Variants in RALYL observed in about 807,000 individuals in gnomAD.
RALYL encodes RNA-binding Raly-like protein.
Under a neutral mutation model 35.1 loss-of-function variants are expected in RALYL, and 29 were observed. The observed-to-expected ratio is 0.83, with a 90% confidence interval of 0.61 to 1.13. The LOEUF (loss-of-function observed/expected upper bound fraction) is 1.13, where lower values mean the gene tolerates loss of function less well. RALYL is among the 50% of genes most tolerant of loss of function. The pLI is 0.00. For synonymous variants in RALYL, 120 were observed against 127.6 expected (o/e 0.94, Z 0.40); for missense variants, 359 against 360.4 (o/e 1.00, Z 0.03).
At chr8:84,270,827 T>C (rs1834168288) in intron 1 of RALYL, among the ~76,000 whole-genome samples, 3 of 152,128 alleles carry the variant, frequency 2.0e-5, no homozygotes, top group Admixed American at 2.0e-4. Context: ...TAACAAGTTA[T>C]AGTGAATAGA....
intron 1 of RALYL, among the ~76,000 whole-genome samples, chr8:84,338,044 A>G (rs1156917686): frequency 3.3e-5 from 5 of 152,066 alleles, no homozygotes; most frequent in Admixed American, 2.6e-4. Flanking sequence ...AAACGAGTGC[A>G]CCAAGAAATT....
chr8:84,821,498 G>A (rs539214488), intron 4 of RALYL, among the ~76,000 whole-genome samples: 16 of 152,228 alleles, frequency 1.1e-4, no homozygotes, highest in African/African-American at 3.1e-4. Flanking sequence ...AAATAATCAT[G>A]TATGTAAAAA....
At chr8:84,883,370 G>A (rs918516473) in intron 7 of RALYL, among the ~76,000 whole-genome samples, 4 of 151,950 alleles carry the variant, frequency 2.6e-5, no homozygotes, top group African/African-American at 9.7e-5. Flanking sequence ...TGCTAATAAA[G>A]ACATACCCAA....
At chr8:84,749,780 A>G (rs1272637945) in intron 2 of RALYL, among the ~76,000 whole-genome samples, 1 of 152,190 alleles carries the variant, frequency 6.6e-6, no homozygotes, top group East Asian at 1.9e-4. Context: ...AGGCAGCAAG[A>G]AACAACAGAA....
At chr8:84,271,973 T>C (rs976047236) in intron 1 of RALYL, among the ~76,000 whole-genome samples, 2 of 152,242 alleles carry the variant, frequency 1.3e-5, no homozygotes, top group African/African-American at 4.8e-5. Flanking sequence ...TTTCTGGTAG[T>C]AAATTACCTT....
intron 8 of RALYL, among the ~76,000 whole-genome samples, chr8:84,895,813 G>A (rs1844656879): frequency 6.6e-6 from 1 of 152,140 alleles, no homozygotes; most frequent in African/African-American, 2.4e-5. Context: ...TGCCAGGCCT[G>A]TATTTTCTGT....
chr8:84,306,298 T>G (rs921285075), intron 1 of RALYL, among the ~76,000 whole-genome samples: 1 of 152,208 alleles, frequency 6.6e-6, no homozygotes, highest in African/African-American at 2.4e-5. Flanking sequence ...ATTAGTTTTT[T>G]GGGGGATGCT....
chr8:84,294,329 T>C (rs1434807528), intron 1 of RALYL, among the ~76,000 whole-genome samples: 3 of 152,072 alleles, frequency 2.0e-5, no homozygotes, highest in Non-Finnish European at 4.4e-5. Flanking sequence ...TGTAGAAAAG[T>C]TATTTTTTTA....
chr8:84,916,925 TAAAC>T (rs898893696), intron 8 of RALYL, among the ~76,000 whole-genome samples: 4 of 152,294 alleles, frequency 2.6e-5, no homozygotes, highest in African/African-American at 9.6e-5. Flanking sequence ...GTGGATTTGG[TAAAC>T]AAAGTTAAAT....
At chr8:84,481,831 G>C (rs1333067485) in intron 1 of RALYL, among the ~76,000 whole-genome samples, 1 of 151,844 alleles carries the variant, frequency 6.6e-6, no homozygotes, top group Non-Finnish European at 1.5e-5. Context: ...GATTTCACTG[G>C]GAATTGACAA....
At chr8:84,452,718 T>A (rs1266969443) in intron 1 of RALYL, among the ~76,000 whole-genome samples, 1 of 151,996 alleles carries the variant, frequency 6.6e-6, no homozygotes, top group Non-Finnish European at 1.5e-5. Flanking sequence ...GTGAACATTG[T>A]TGTATTTAGC....
chr8:84,865,616 AAAG>A (rs1431342475), intron 6 of RALYL, among the ~76,000 whole-genome samples: 15 of 152,298 alleles, frequency 9.8e-5, no homozygotes, highest in African/African-American at 3.1e-4. Context: ...GTCATAAAAT[AAAG>A]AAAATGTGAC....
chr8:84,211,641 T>G (rs1397895405), intron 1 of RALYL, among the ~76,000 whole-genome samples: 5 of 152,162 alleles, frequency 3.3e-5, no homozygotes, highest in African/African-American at 1.2e-4. Flanking sequence ...TGCATGTACC[T>G]TGATCCAAAA....
intron 1 of RALYL, among the ~76,000 whole-genome samples, chr8:84,325,328 A>G (rs753936733): frequency 6.6e-6 from 1 of 152,234 alleles, no homozygotes; most frequent in African/African-American, 2.4e-5. Context: ...GATTCTTAAT[A>G]AATTTACTAA....
intron 2 of RALYL, among the ~76,000 whole-genome samples, chr8:84,620,228 C>T (rs1241289045): frequency 6.6e-6 from 1 of 152,216 alleles, no homozygotes; most frequent in African/African-American, 2.4e-5. Context: ...CTTTCAGGTA[C>T]ACCAATCAGA....
At chr8:84,855,692 T>C (rs1400462465) in intron 5 of RALYL, among the ~76,000 whole-genome samples, 1 of 152,242 alleles carries the variant, frequency 6.6e-6, no homozygotes, top group Non-Finnish European at 1.5e-5. Flanking sequence ...CCTAAAATTA[T>C]ATTTAATCTC....
intron 1 of RALYL, among the ~76,000 whole-genome samples, chr8:84,422,971 A>G (rs902002453): frequency 1.3e-5 from 2 of 148,666 alleles, no homozygotes; most frequent in African/African-American, 5.0e-5. Context: ...ACTTCCAAGT[A>G]TGTGGTCAAT....
intron 1 of RALYL, among the ~76,000 whole-genome samples, chr8:84,428,145 T>TACAC (rs2046744619): frequency 7.8e-6 from 1 of 128,738 alleles, no homozygotes; most frequent in Non-Finnish European, 1.7e-5. Context: ...CACACACACG[T>TACAC]GGTTCAATAT....
chr8:84,843,288 T>C (rs1429732513), intron 4 of RALYL, among the ~76,000 whole-genome samples: 8 of 152,232 alleles, frequency 5.3e-5, no homozygotes, highest in Admixed American at 5.2e-4. Context: ...ACAAAATCAA[T>C]GTACAAAAAT....
Sources: gnomAD v4.1 joint callset for allele counts (sites outside exome capture counted in the v4.1 genomes callset) on GRCh38, gnomAD v4.1.1 for gene constraint, MANE v1.5 for transcripts, NCBI Gene and HGNC (gene_info 2026-07-23, HGNC 2026-07-21) for gene names.